The following SATL1 variants were observed in gnomAD, a reference collection of about 807,000 sequenced individuals.
The protein encoded by SATL1 is spermidine/spermine N(1)-acetyltransferase-like protein 1.
In SATL1, 47 loss-of-function variants were observed where a neutral mutation model predicts 51.8. The observed-to-expected ratio is 0.91, with a 90% CI of 0.72 to 1.16. The LOEUF is 1.16. Among genes scored for constraint, SATL1 ranks in the 50% most tolerant of loss-of-function variants. The probability of loss-of-function intolerance (pLI) is 0.00; values close to 1 mark genes in which losing one functional copy is unlikely to be tolerated. For missense variants in SATL1, 520 were observed against 526.4 expected (o/e 0.99, Z 0.12); for synonymous variants, 176 against 182.4 (o/e 0.97, Z 0.28).
intron 2 of SATL1, among the ~76,000 whole-genome samples, chrX:85,170,904 T>C (rs1481155770): frequency 9.0e-6 from 1 of 111,591 alleles, no homozygotes; most frequent in African/African-American, 3.2e-5. Flanking sequence ...ACAGAAATTA[T>C]ATAAATGCTT....
chrX:85,208,075 C>T (rs560075369), intron 2 of SATL1, among the ~76,000 whole-genome samples: 2 of 109,603 alleles, frequency 1.8e-5, no homozygotes, highest in South Asian at 8.2e-4. Context: ...CTAACAGGCC[C>T]CAGTGTGTGA....
At chrX:85,207,663 A>G (rs961936474) in intron 2 of SATL1, 1 of 111,840 alleles carries the variant, frequency 8.9e-6, no homozygotes, top group African/African-American at 3.2e-5. Context: ...CCAGATTCTC[A>G]CAGCATCCCC....
intron 2 of SATL1, among the ~76,000 whole-genome samples, chrX:85,151,004 T>G (rs1000812841): frequency 1.8e-5 from 2 of 110,751 alleles, no homozygotes; most frequent in East Asian, 2.8e-4. Flanking sequence ...GGCATTCAAT[T>G]AGGAAAAGAG....
chrX:85,154,482 G>A (rs779129737), intron 2 of SATL1, among the ~76,000 whole-genome samples: 2 of 112,109 alleles, frequency 1.8e-5, no homozygotes, highest in South Asian at 7.4e-4. Flanking sequence ...ACTTAAAGCA[G>A]CAATCGTTTA....
chrX:85,163,679 A>G (rs1331238108), intron 2 of SATL1, among the ~76,000 whole-genome samples: 1 of 111,683 alleles, frequency 9.0e-6, no homozygotes, highest in East Asian at 2.8e-4. Flanking sequence ...TTTGTGGCCT[A>G]CAATATGGTC....
chrX:85,233,037 G>C (rs1928415477), intron 1 of SATL1, among the ~76,000 whole-genome samples: 1 of 112,356 alleles, frequency 8.9e-6, no homozygotes, highest in Non-Finnish European at 1.9e-5. Flanking sequence ...CAGTGTCAGT[G>C]GTGGTGGCCA....
chrX:85,233,477 G>A (rs967843028), intron 1 of SATL1, among the ~76,000 whole-genome samples: 16 of 112,451 alleles, frequency 1.4e-4, no homozygotes, highest in African/African-American at 4.5e-4. Flanking sequence ...ACAGAGGTAT[G>A]TGACCTTTCA....
intron 2 of SATL1, among the ~76,000 whole-genome samples, chrX:85,140,286 A>G (rs1926077606): frequency 8.9e-6 from 1 of 111,986 alleles, no homozygotes; most frequent in African/African-American, 3.2e-5. Flanking sequence ...ATAATAAATA[A>G]TAATAGTAAC....
chrX:85,140,484 T>C (rs1602862188), intron 2 of SATL1, among the ~76,000 whole-genome samples: 1 of 112,118 alleles, frequency 8.9e-6, no homozygotes, highest in African/African-American at 3.2e-5. Flanking sequence ...GTAATTTTTT[T>C]CTCCCTTTGA....
intron 2 of SATL1, among the ~76,000 whole-genome samples, chrX:85,145,409 GCC>G (rs1250796740): frequency 8.9e-6 from 1 of 111,907 alleles, no homozygotes; most frequent in African/African-American, 3.2e-5. Flanking sequence ...CATACTAGGT[GCC>G]CAATAAATCT....
At position 85,097,185 on chromosome X, in the gene SATL1, T is replaced by C. The variant is rs773069600; in HGVS notation, c.1694-2189A>G. On this transcript the variant is annotated intron_variant, in intron 4 of 7. Coordinates refer to ENST00000644105, the MANE Select transcript of SATL1 (RefSeq NM_001367857.2). The stretch of plus-strand genomic sequence containing the variant: ...ATACAGAGGACTGACTTTTCATATA[T>C]GTGAGTTCAGTAAGACTCGCTGTGG... Among the ~76,000 whole-genome samples, 23 of 111,504 alleles carry C rather than the reference T, an allele frequency of 2.1e-4. No individual in the cohort carries two copies. The Admixed American group carries it at 2.2e-3, about 11-fold the overall frequency.
chrX:85,178,040 G>A (rs1927117799), intron 2 of SATL1, among the ~76,000 whole-genome samples: 1 of 111,460 alleles, frequency 9.0e-6, no homozygotes, highest in Non-Finnish European at 1.9e-5. Flanking sequence ...ATCCTTTTCA[G>A]CATATCATAT....
intron 4 of SATL1, among the ~76,000 whole-genome samples, chrX:85,095,753 G>A (rs1924694062): frequency 1.0e-5 from 1 of 100,028 alleles, no homozygotes; most frequent in African/African-American, 3.7e-5. Flanking sequence ...GTGAACCCGG[G>A]AGGCGGAGCT....
At chrX:85,225,117 G>A (rs141633548) in intron 1 of SATL1, among the ~76,000 whole-genome samples, 1 of 111,828 alleles carries the variant, frequency 8.9e-6, no homozygotes, top group Non-Finnish European at 1.9e-5. Flanking sequence ...GATTGAGTTA[G>A]GGGGGTGGGA....
intron 2 of SATL1, among the ~76,000 whole-genome samples, chrX:85,214,390 C>T (rs1191412353): frequency 1.8e-5 from 2 of 111,035 alleles, no homozygotes; most frequent in African/African-American, 6.6e-5. Context: ...GAGAGTGGCT[C>T]CAAGCCATTC....
intron 2 of SATL1, among the ~76,000 whole-genome samples, chrX:85,149,077 C>G (rs773488442): frequency 9.0e-6 from 1 of 111,395 alleles, no homozygotes; most frequent in Non-Finnish European, 1.9e-5. Flanking sequence ...ACCCATCTCA[C>G]GTGCAGAGAC....
chrX:85,167,455 A>G lies in SATL1; in HGVS notation c.-313+56750T>C. 1.8e-5 allele frequency among the ~76,000 whole-genome samples: 2 copies of G among 111,484 alleles called. 1 individual carries two copies. The highest frequency in any genetic ancestry group is 8.4e-3 in the Middle Eastern group (2 of 239). Reference sequence around the variant, plus strand: ...CATAATTAAAAATGACAAATGAGATATTACCACTGATGTCACAGATATACA... The same window carrying G: ...CATAATTAAAAATGACAAATGAGATGTTACCACTGATGTCACAGATATACA... On this transcript the variant is annotated intron_variant, in intron 2 of 7. Transcript: ENST00000644105.
rs996175576 is a variant in SATL1 at position 85,174,434 on chromosome X, T to C, written c.-313+49771A>G. ...GCCTCCTGGGTTCAAGTGATTCTCC[T>C]GTTTCAGCCTCCCGAGTATTTGGGA... On this transcript the variant is annotated intron_variant, in intron 2 of 7. Coordinates refer to ENST00000644105, the MANE Select transcript of SATL1 (RefSeq NM_001367857.2). Among the ~76,000 whole-genome samples the C allele has an allele frequency of 8.5e-4, 93 of 109,407 alleles. 1 individual carries two copies. The highest frequency in any genetic ancestry group is 2.7e-4 in the Non-Finnish European group (14 of 52,539).
intron 2 of SATL1, among the ~76,000 whole-genome samples, chrX:85,166,369 C>A (rs1926834900): frequency 8.9e-6 from 1 of 111,950 alleles, no homozygotes; most frequent in Non-Finnish European, 1.9e-5. Context: ...TTTTCACAAT[C>A]TGTGCATCCA....
Sources: gnomAD v4.1 joint callset for allele counts (sites outside exome capture counted in the v4.1 genomes callset) on GRCh38, gnomAD v4.1.1 for gene constraint, MANE v1.5 for transcripts, NCBI Gene and HGNC (gene_info 2026-07-23, HGNC 2026-07-21) for gene names.